RNF17: variants seen among roughly 807,000 people sequenced by gnomAD.
The protein encoded by RNF17 is spermatogenesis associated 23.
Under a neutral mutation model 200.5 loss-of-function variants are expected in RNF17, and 31 were observed. The ratio of observed to expected loss-of-function variants is 0.15; its 90% CI spans 0.12 to 0.21. The LOEUF is 0.21. Among genes scored for constraint, RNF17 ranks in the 10% least tolerant of loss-of-function variants. RNF17 has a pLI of 1.00. For synonymous variants in RNF17, 606 were observed against 637.8 expected, an observed-to-expected ratio of 0.95 and a Z score of 0.75; for missense variants, 1,628 against 1,905.1, an observed-to-expected ratio of 0.85 and a Z score of 2.71.
intron 25 of RNF17, 129 bp downstream of exon 25, chr13:24,854,273 G>A: frequency 1.5e-6 from 1 of 651,610 alleles, no homozygotes; most frequent in Non-Finnish European, 2.6e-6. Context: ...TTCACACAAT[G>A]CATGCAAAGT....
chr13:24,874,414 C>CT (rs67456137), intron 33 of RNF17, among the ~76,000 whole-genome samples, 165 bp downstream of exon 33: 32,356 of 137,190 alleles, frequency 0.24, 4,089 homozygotes, highest in Non-Finnish European at 0.3. Context: ...ACCATTGTAG[C>CT]TTTTTTTTTT....
chr13:24,797,341 G>C (rs1884688678), intron 11 of RNF17, among the ~76,000 whole-genome samples: 1 of 152,156 alleles, frequency 6.6e-6, no homozygotes, highest in Admixed American at 6.5e-5. Context: ...GAAGACATGT[G>C]AATTGTTGAT....
chr13:24,845,172 C>A, intron 22 of RNF17, 93 bp downstream of exon 22: 1 of 714,086 alleles, frequency 1.4e-6, no homozygotes, highest in Non-Finnish European at 2.3e-6. Context: ...CTGAAATTTT[C>A]CTAAAATCTA....
intron 28 of RNF17, among the ~76,000 whole-genome samples, chr13:24,864,122 C>T (rs971155983): frequency 2.0e-5 from 3 of 152,168 alleles, no homozygotes; most frequent in African/African-American, 7.2e-5. Flanking sequence ...TCTGGGAAGA[C>T]GTCGCTGCAA....
At chr13:24,765,488 T>G (rs1356013127) in intron 1 of RNF17, among the ~76,000 whole-genome samples, 3 of 152,240 alleles carry the variant, frequency 2.0e-5, no homozygotes, top group African/African-American at 4.8e-5. Context: ...CTTGGCAAGA[T>G]GGACTCTGTG....
Position 24,851,532 on chromosome 13 carries a change from A to G in RNF17, c.3281A>G (p.Lys1094Arg). 1 of 1,613,312 alleles carries G rather than the reference A, an allele frequency of 6.2e-7. No homozygotes were observed. The highest frequency in any genetic ancestry group is 8.5e-7 in the Non-Finnish European group (1 of 1,179,806). Residue 1094 changes from lysine (K) to arginine (R), a missense_variant, in exon 24 of 36, where the codon AAA (lysine) becomes AGA (arginine). By Grantham distance (26) the Lys-to-Arg change is conservative. This residue lies in a region of RNF17 where 609 missense variants were observed against 681.9 expected (regional missense o/e 0.89). Transcript: ENST00000255324. ...AAAGGAGAGCGTGTTGATGTTTCTAAATATTTGATTAAAAAGGGTTTGGCT... is the reference window on the plus strand; with the variant it reads ...AAAGGAGAGCGTGTTGATGTTTCTAGATATTTGATTAAAAAGGGTTTGGCT... The part of the protein sequence containing the change: ...DEKGERVDVS[K>R]YLIKKGLALR...
intron 26 of RNF17, among the ~76,000 whole-genome samples, chr13:24,860,743 A>C (rs1893005140): frequency 6.6e-6 from 1 of 151,974 alleles, no homozygotes; most frequent in Non-Finnish European, 1.5e-5. Flanking sequence ...GTTTTTTTTC[A>C]AAAAAAAGTC....
chr13:24,781,808 C>T, intron 5 of RNF17, 36 bp from the exon 6 acceptor site: 1 of 1,449,088 alleles, frequency 6.9e-7, no homozygotes, highest in Admixed American at 2.3e-5. Context: ...TAAAAATTCC[C>T]AAATTAAGTT....
At position 24,789,708 on chromosome 13, in the gene RNF17, A is replaced by G; in HGVS notation, c.871A>G (p.Asn291Asp). Residue 291 changes from asparagine (N) to aspartate (D), a missense_variant, in exon 9 of 36, where the codon AAT becomes GAT. Physicochemically the swap from Asn to Asp is conservative, Grantham distance 23. Around this residue, in one of 5 missense-constraint regions of RNF17, gnomAD observed 502 missense variants for 501.7 expected, o/e 1.00. Coordinates refer to ENST00000255324, the MANE Select transcript of RNF17 (RefSeq NM_031277.3). ...QLRNPPRLSVNCSEIICMFNN... is the reference protein window; with the variant it reads ...QLRNPPRLSVDCSEIICMFNN... The stretch of plus-strand genomic sequence containing the variant: ...AATGTTTTATTATAGGTTGAGTGTG[A>G]ATTGCAGTGAGATCATCTGTATGTT... 1 of 1,588,754 alleles carries G rather than the reference A, an allele frequency of 6.3e-7. No homozygotes were observed. Among genetic ancestry groups the G allele is most frequent in the Non-Finnish European group, 8.6e-7 (1 of 1,157,620 alleles).
upstream of RNF17, among the ~76,000 whole-genome samples, chr13:24,762,369 TAAAAAAAAA>T (rs370600110): frequency 4.0e-4 from 45 of 113,878 alleles, no homozygotes; most frequent in African/African-American, 5.0e-4. Flanking sequence ...ACTCCATTTC[TAAAAAAAAA>T]AAAAAAAAAA....
At chr13:24,866,011 C>T (rs1479511894) in intron 29 of RNF17, 133 bp from the exon 30 acceptor site, 2 of 610,888 alleles carry the variant, frequency 3.3e-6, no homozygotes, top group Admixed American at 3.3e-5. Context: ...ATTAGATTTT[C>T]CTGTAATTGA....
At chr13:24,759,090 A>C in the RNF17 span, among the ~76,000 whole-genome samples, 6 of 151,402 alleles carry the variant, frequency 4.0e-5, no homozygotes, top group South Asian at 2.1e-4. Context: ...AAAAAAAAAA[A>C]AAAAAAAAAA....
At chr13:24,883,883 G>A (rs17081326), downstream of RNF17, 6,227 of 1,551,944 alleles carry the variant, frequency 4.0e-3, 221 homozygotes, top group African/African-American at 0.073. Context: ...CATCAGAAAC[G>A]CAAGGCTGGG....
At chr13:24,769,551 A>G (rs1053251302) in intron 2 of RNF17, among the ~76,000 whole-genome samples, 15 of 152,176 alleles carry the variant, frequency 9.9e-5, no homozygotes, top group African/African-American at 3.6e-4. Context: ...CTCTTTTTAA[A>G]CTTTAGATTT....
chr13:24,836,152 G>C (rs2121252), intron 18 of RNF17, among the ~76,000 whole-genome samples: 21,773 of 152,156 alleles, frequency 0.14, 2,050 homozygotes, highest in Admixed American at 0.26. Flanking sequence ...CTGGGATTAC[G>C]TTAAACGACC....
At position 24,804,289 on chromosome 13, in the gene RNF17, T is replaced by G; in HGVS notation, c.1951T>G (p.Phe651Val). ...DALVFMELAKFKSQSLRSHFE... is the reference protein window; with the variant it reads ...DALVFMELAKVKSQSLRSHFE... ...GCTTTTCATTATGCTTTTAATTAGG[T>G]TTAAGTCACAATCACTAAGAAGTCA... Residue 651 changes from phenylalanine (F) to valine (V), a missense_variant and splice_region_variant, in exon 15 of 36, where the codon TTT (phenylalanine) becomes GTT (valine). Coordinates refer to ENST00000255324, the MANE Select transcript of RNF17 (RefSeq NM_031277.3). 1 of 1,611,956 alleles carries G rather than the reference T, an allele frequency of 6.2e-7. No homozygotes were observed. The highest frequency in any genetic ancestry group is 1.3e-5 in the African/African-American group (1 of 75,004).
the RNF17 span, among the ~76,000 whole-genome samples, chr13:24,759,079 CAAAAAAAAAAAA>C: frequency 3.1e-5 from 2 of 65,368 alleles, no homozygotes; most frequent in Non-Finnish European, 5.4e-5. Context: ...ACTGTGTCTC[CAAAAAAAAAAAA>C]AAAAAAAAAA....
chr13:24,843,797 C>T lies in RNF17; in HGVS notation c.2657C>T (p.Pro886Leu). The change falls in exon 20 of 36, where the codon CCA becomes CTA. Residue 886 changes from proline to leucine, a missense_variant. Physicochemically the swap from Pro to Leu is moderately conservative, Grantham distance 98. Transcript: ENST00000255324. ...QKHIEVWDPSPEEIISNEVHN... is the reference protein window; with the variant it reads ...QKHIEVWDPSLEEIISNEVHN... ...CATATTGAAGTTTGGGATCCTTCTC[C>T]AGAAGAAATTATTTCAAATGAAGTA... 6.2e-7 allele frequency: 1 copy of T among 1,609,662 alleles called. No homozygotes were observed. The highest frequency in any genetic ancestry group is 1.3e-5 in the African/African-American group (1 of 74,814).
intron 15 of RNF17, among the ~76,000 whole-genome samples, chr13:24,812,218 A>G (rs1886741134): frequency 6.6e-6 from 1 of 151,142 alleles, no homozygotes; most frequent in Admixed American, 6.6e-5. Flanking sequence ...AGCCTGGGCA[A>G]TGGCGGGCGC....
Sources: gnomAD v4.1 joint callset for allele counts (sites outside exome capture counted in the v4.1 genomes callset) on GRCh38, gnomAD v4.1.1 for gene constraint, gnomAD v4.1.1 regional missense constraint, MANE v1.5 for transcripts, NCBI Gene and HGNC (gene_info 2026-07-23, HGNC 2026-07-21) for gene names.